Variants in GRM7 observed in about 807,000 individuals in gnomAD.
The protein encoded by GRM7 is glutamate metabotropic receptor 7, also known as metabotropic glutamate receptor 7.
A neutral mutation model predicts 84.5 loss-of-function variants in GRM7; 35 were observed. That is an observed-to-expected ratio of 0.41 (90% CI 0.32 to 0.55). GRM7 has a LOEUF of 0.55. GRM7 is among the 20% of genes least tolerant of loss of function. The pLI, the probability that GRM7 is intolerant of heterozygous loss-of-function variation, is 0.19. For synonymous variants in GRM7, 487 were observed against 455.1 expected (o/e 1.07, Z -0.89); for missense variants, 1,003 against 1,194.6 (o/e 0.84, Z 2.36).
At chr3:7,443,553 T>C (rs949208748) in intron 5 of GRM7, among the ~76,000 whole-genome samples, 1 of 152,182 alleles carries the variant, frequency 6.6e-6, no homozygotes, top group Non-Finnish European at 1.5e-5. Flanking sequence ...TCAAAACAGC[T>C]TATTATTGGG....
intron 1 of GRM7, among the ~76,000 whole-genome samples, chr3:7,064,662 T>C (rs963630259): frequency 6.6e-6 from 1 of 151,356 alleles, no homozygotes; most frequent in Admixed American, 6.6e-5. Context: ...AACATGTGTG[T>C]GCAAGTATCT....
chr3:7,382,246 CTTATGAGCTTTGATTGCCT>C (rs1442796395), intron 4 of GRM7, among the ~76,000 whole-genome samples: 2 of 152,054 alleles, frequency 1.3e-5, no homozygotes, highest in African/African-American at 2.4e-5. Flanking sequence ...ATCAGGTAAT[CTTATGAGCTTTGATTGCCT>C]TTAGATTATC....
intron 8 of GRM7, among the ~76,000 whole-genome samples, chr3:7,601,164 G>A (rs1408402509): frequency 6.6e-6 from 1 of 152,042 alleles, no homozygotes. Flanking sequence ...GTTATTTAAG[G>A]CATTAATAGA....
At chr3:6,918,623 T>C (rs759655130) in intron 1 of GRM7, among the ~76,000 whole-genome samples, 3 of 152,202 alleles carry the variant, frequency 2.0e-5, no homozygotes, top group Non-Finnish European at 4.4e-5. Context: ...AAGAGCTCAC[T>C]ACATGTCAAG....
Position 7,064,505 on chromosome 3 carries a change from CAT to C in GRM7, c.520-81935_520-81934del, listed in dbSNP as rs144465602. ...ACACACATATACATATATATATACA[CAT>C]ATATATATATACACACACACACACG... On this transcript the variant is annotated intron_variant, in intron 1 of 9. Coordinates refer to ENST00000357716, the MANE Select transcript of GRM7 (RefSeq NM_000844.4). 2.4e-4 allele frequency among the ~76,000 whole-genome samples: 24 copies of C among 101,012 alleles called. 1 individual carries two copies. Among genetic ancestry groups the C allele is most frequent in the African/African-American group, 4.5e-4 (12 of 26,640 alleles). The allele number at this position is 101,012 out of a possible 152,430, so 66.3% of individuals were successfully genotyped here.
chr3:7,452,568 G>GTA (rs1281243306), intron 5 of GRM7, 39 bp from the exon 6 acceptor site: 1 of 1,093,046 alleles, frequency 9.1e-7, no homozygotes. Flanking sequence ...TTGTGTGTGT[G>GTA]TGTGTGTGTG....
At chr3:7,060,572 A>G (rs1697403303) in intron 1 of GRM7, among the ~76,000 whole-genome samples, 1 of 151,818 alleles carries the variant, frequency 6.6e-6, no homozygotes, top group African/African-American at 2.4e-5. Flanking sequence ...ATGAGTCAGG[A>G]ACATCATTAA....
At chr3:7,231,623 G>A (rs966329819) in intron 2 of GRM7, among the ~76,000 whole-genome samples, 2 of 152,140 alleles carry the variant, frequency 1.3e-5, no homozygotes, top group African/African-American at 2.4e-5. Context: ...ACTGGCTTAT[G>A]ATGTCTGAGG....
At chr3:7,626,350 G>T (rs1247358752) in intron 8 of GRM7, among the ~76,000 whole-genome samples, 1 of 152,182 alleles carries the variant, frequency 6.6e-6, no homozygotes, top group Non-Finnish European at 1.5e-5. Flanking sequence ...TCAGTCACAG[G>T]CTGGACGATT....
intron 1 of GRM7, among the ~76,000 whole-genome samples, chr3:6,940,564 A>G (rs925697411): frequency 2.0e-5 from 3 of 151,760 alleles, no homozygotes; most frequent in Admixed American, 6.6e-5. Flanking sequence ...ACAACCATTG[A>G]GAAATTTACA....
chr3:6,984,189 T>G (rs1694312117), intron 1 of GRM7, among the ~76,000 whole-genome samples: 1 of 152,230 alleles, frequency 6.6e-6, no homozygotes, highest in Non-Finnish European at 1.5e-5. Flanking sequence ...TATTTGCACA[T>G]CGTCTTGGAG....
chr3:7,676,897 C>T (rs1700143269), intron 8 of GRM7, among the ~76,000 whole-genome samples: 1 of 152,084 alleles, frequency 6.6e-6, no homozygotes, highest in Non-Finnish European at 1.5e-5. Flanking sequence ...GATGGTTGCA[C>T]AATAACAAAT....
intron 4 of GRM7, among the ~76,000 whole-genome samples, chr3:7,320,544 TGA>T (rs910734799): frequency 4.0e-5 from 6 of 151,778 alleles, no homozygotes; most frequent in Non-Finnish European, 5.9e-5. Flanking sequence ...CCTTCTTGAG[TGA>T]GAGTTGTATA....
At chr3:7,636,686 C>A (rs1367509013) in intron 8 of GRM7, among the ~76,000 whole-genome samples, 2 of 152,162 alleles carry the variant, frequency 1.3e-5, no homozygotes, top group Non-Finnish European at 2.9e-5. Context: ...TGAAATTCTT[C>A]CCCATAAAGC....
intron 4 of GRM7, among the ~76,000 whole-genome samples, chr3:7,348,682 T>A (rs1427302094): frequency 6.6e-6 from 1 of 152,082 alleles, no homozygotes; most frequent in Admixed American, 6.6e-5. Context: ...ACATCAGCAA[T>A]ATCGGCATCA....
chr3:7,672,864 G>A (rs1458498468), intron 8 of GRM7, among the ~76,000 whole-genome samples: 1 of 152,000 alleles, frequency 6.6e-6, no homozygotes, highest in East Asian at 1.9e-4. Flanking sequence ...CAAAGTGCTG[G>A]GATTACAGGT....
chr3:7,685,116 G>A lies in GRM7; in HGVS notation c.2698+4821G>A, dbSNP rs565163218. Among the ~76,000 whole-genome samples, 98 of 152,266 alleles carry A rather than the reference G, an allele frequency of 6.4e-4. 2 individuals carry two copies. In the South Asian group the frequency reaches 0.015, roughly 24 times the overall value. ...TAAACAAGATGCCATGGTTGTGCTT[G>A]GGCTATGGCTTATTGATGGCCATGA... On this transcript the variant is annotated intron_variant, in intron 9 of 9. Coordinates refer to ENST00000357716, the MANE Select transcript of GRM7 (RefSeq NM_000844.4).
At chr3:7,260,167 C>T (rs1418352618) in intron 2 of GRM7, among the ~76,000 whole-genome samples, 1 of 151,542 alleles carries the variant, frequency 6.6e-6, no homozygotes, top group Non-Finnish European at 1.5e-5. Flanking sequence ...TATGTAAGTT[C>T]CTCATAGATG....
At chr3:7,183,904 T>G (rs898459620) in intron 2 of GRM7, among the ~76,000 whole-genome samples, 4 of 152,162 alleles carry the variant, frequency 2.6e-5, no homozygotes, top group African/African-American at 9.7e-5. Context: ...GAGATTTAAT[T>G]TGGAACATGA....
Sources: allele counts gnomAD v4.1 joint callset (sites outside exome capture counted in the v4.1 genomes callset), GRCh38; gene constraint gnomAD v4.1.1; transcripts MANE v1.5; gene names NCBI Gene and HGNC (gene_info 2026-07-23, HGNC 2026-07-21).